Variants in CEP162 observed in about 807,000 individuals in gnomAD.
CEP162 encodes the protein centrosomal protein of 162 kDa.
A neutral mutation model predicts 169.2 loss-of-function variants in CEP162; 141 were observed. The observed-to-expected ratio is 0.83, with a 90% CI of 0.73 to 0.96. CEP162 has a LOEUF of 0.96. Ranked by LOEUF, CEP162 falls within the 40% of genes least tolerant of loss-of-function variation. CEP162 has a pLI of 0.00. For synonymous variants in CEP162, 540 were observed against 526.4 expected (o/e 1.03, Z -0.35); for missense variants, 1,600 against 1,587.2 (o/e 1.01, Z -0.14).
intron 19 of CEP162, among the ~76,000 whole-genome samples, chr6:84,162,254 G>A (rs2099526074): frequency 6.6e-6 from 1 of 152,044 alleles, no homozygotes; most frequent in African/African-American, 2.4e-5. Flanking sequence ...TAAAAATGAA[G>A]AACGCCCATA....
rs770948386 is a variant in CEP162, at chr6:84,185,395, C to G, written c.1455G>C (p.Gln485His). The G allele has an allele frequency of 1.9e-6, 3 of 1,613,352 alleles. No individual in the cohort carries two copies. The highest frequency in any genetic ancestry group is 4.5e-5 in the East Asian group (2 of 44,860). The change falls in exon 13 of 27, where the codon CAG becomes CAC. Residue 485 changes from glutamine to histidine, a missense_variant. Physicochemically the swap from Gln to His is conservative, Grantham distance 24. Transcript: ENST00000403245. ...SEEEGAVMGK[Q>H]VPYKKARSAP... ...CACTTCTGGCCTTCTTGTATGGTACCTGTTTACCCATTACAGCCCCTTCTT... is the reference window on the plus strand; with the variant it reads ...CACTTCTGGCCTTCTTGTATGGTACGTGTTTACCCATTACAGCCCCTTCTT...
At chr6:84,154,450 G>C (rs751476375) in intron 22 of CEP162, among the ~76,000 whole-genome samples, 14 of 152,002 alleles carry the variant, frequency 9.2e-5, no homozygotes, top group Middle Eastern at 3.2e-3. Context: ...CCTCCTTGAT[G>C]TGACCTTAAT....
intron 24 of CEP162, among the ~76,000 whole-genome samples, 172 bp downstream of exon 24, chr6:84,149,386 TTAAA>T (rs2099520279): frequency 1.3e-5 from 2 of 151,968 alleles, no homozygotes; most frequent in Non-Finnish European, 2.9e-5. Flanking sequence ...TTTAAAAAAA[TTAAA>T]TATATAGTAT....
rs2099511955 is a variant in CEP162 at position 84,132,390 on chromosome 6, GC to G, written c.3871-5879del. The stretch of plus-strand genomic sequence containing the variant: ...ATTTCCTGAATTTGAATGTTGTTCT[GC>G]CTTGCTAGGCTGGGGAAGTTCTCCT... On this transcript the variant is annotated intron_variant, in intron 25 of 26. Transcript: ENST00000403245. Among the ~76,000 whole-genome samples, 3 of 152,246 alleles carry G rather than the reference GC, an allele frequency of 2.0e-5. No homozygotes were observed. The South Asian group carries it at 6.2e-4, about 32-fold the overall frequency.
intron 24 of CEP162, 50 bp from the exon 25 acceptor site, chr6:84,146,835 T>C (rs768301806): frequency 3.7e-5 from 35 of 942,398 alleles, no homozygotes; most frequent in Non-Finnish European, 4.8e-5. Flanking sequence ...CCTTGAACAC[T>C]ATCTGAAAAA....
Position 84,204,058 on chromosome 6 carries a change from C to T in CEP162, c.610G>A (p.Ala204Thr). Residue 204 changes from alanine to threonine, a missense_variant, in exon 7 of 27, where the codon GCA becomes ACA. By Grantham distance (58) the Ala-to-Thr change is moderately conservative. Transcript: ENST00000403245. ...TCTTCATCTTTAGTAGTCAACGGTG[C>T]ACCAACATACTCATCTTCAAAATCA... ...SDDFEDEYVG[A>T]PLTTKDEEMP... The T allele has an allele frequency of 4.4e-6, 7 of 1,605,890 alleles. No individual in the cohort carries two copies. Among genetic ancestry groups the T allele is most frequent in the Non-Finnish European group, 6.0e-6 (7 of 1,176,340 alleles).
chr6:84,168,753 T>C (rs2099528829), intron 18 of CEP162, among the ~76,000 whole-genome samples: 1 of 152,198 alleles, frequency 6.6e-6, no homozygotes, highest in Admixed American at 6.5e-5. Context: ...AATACTGCTT[T>C]AGAAAACTCT....
chr6:84,192,993 T>A (rs1317138461), intron 11 of CEP162, among the ~76,000 whole-genome samples: 1 of 152,260 alleles, frequency 6.6e-6, no homozygotes, highest in Non-Finnish European at 1.5e-5. Flanking sequence ...GTGCATTTCT[T>A]GAATTATGGG....
Position 84,152,621 on chromosome 6 carries a change from C to T in CEP162, c.3553G>A (p.Gly1185Arg). ...AGTTCATTCTTCTCTGAAATTAATC[C>T]TTCTAGCTCATTTTTTAATCTGTAG... ...ENYRLKNELE[G>R]LISEKNELKM... is the part of the protein sequence containing the mutation. Residue 1185 changes from glycine to arginine, a missense_variant, in exon 23 of 27, where the codon GGA becomes AGA. Gly to Arg is a moderately radical substitution (Grantham distance 125). Transcript: ENST00000403245. The T allele has an allele frequency of 6.4e-7, 1 of 1,574,394 alleles. No individual in the cohort carries two copies. The highest frequency in any genetic ancestry group is 8.6e-7 in the Non-Finnish European group (1 of 1,158,650).
intron 8 of CEP162, among the ~76,000 whole-genome samples, chr6:84,201,442 T>A (rs1289638157): frequency 1.3e-5 from 2 of 152,032 alleles, no homozygotes; most frequent in Non-Finnish European, 2.9e-5. Context: ...AATATGATCT[T>A]CTTCCGATGT....
intron 10 of CEP162, among the ~76,000 whole-genome samples, chr6:84,194,300 A>T (rs532588743): frequency 6.6e-6 from 1 of 150,756 alleles, no homozygotes; most frequent in Non-Finnish European, 1.5e-5. Context: ...GGCTGCTGTG[A>T]GCCGAGATCG....
chr6:84,131,336 G>C (rs1019179969), intron 25 of CEP162, among the ~76,000 whole-genome samples: 2 of 152,192 alleles, frequency 1.3e-5, no homozygotes, highest in Non-Finnish European at 2.9e-5. Context: ...ATTTGGGGTG[G>C]AGAGTTCTGT....
intron 11 of CEP162, among the ~76,000 whole-genome samples, chr6:84,188,487 GT>G (rs2099538227): frequency 6.6e-6 from 1 of 152,092 alleles, no homozygotes; most frequent in South Asian, 2.1e-4. Context: ...ACAGTATTTT[GT>G]TTTCTGTTCC....
At chr6:84,188,234 C>G (rs2099538097) in intron 11 of CEP162, among the ~76,000 whole-genome samples, 1 of 151,936 alleles carries the variant, frequency 6.6e-6, no homozygotes, top group South Asian at 2.1e-4. Flanking sequence ...AGATTTAAAA[C>G]CTTTGTCTAG....
chr6:84,218,098 TG>T (rs920675651), intron 3 of CEP162, among the ~76,000 whole-genome samples: 22 of 152,052 alleles, frequency 1.4e-4, no homozygotes, highest in African/African-American at 5.1e-4. Flanking sequence ...TAAGATTAAT[TG>T]GGGGGGTATA....
Position 84,157,808 on chromosome 6 carries a change from CAT to C in CEP162, c.2782-2300_2782-2299del, listed in dbSNP as rs1324131076. Among the ~76,000 whole-genome samples, 40 of 152,310 alleles carry C rather than the reference CAT, an allele frequency of 2.6e-4. No homozygotes were observed. The East Asian group carries it at 3.7e-3, about 14-fold the overall frequency. On this transcript the variant is annotated intron_variant, in intron 21 of 26. Coordinates refer to ENST00000403245, the MANE Select transcript of CEP162 (RefSeq NM_014895.4). ...CTGACTGAAAAATTACTTATATGCA[CAT>C]GAGTGTGTAAACTTTTTGCAATAAA...
intron 22 of CEP162, among the ~76,000 whole-genome samples, chr6:84,153,798 T>C (rs1167588054): frequency 2.0e-5 from 3 of 152,118 alleles, no homozygotes; most frequent in Non-Finnish European, 2.9e-5. Flanking sequence ...ACAAAAAGAC[T>C]CAGTTATTAT....
chr6:84,126,420 C>T lies in CEP162; in HGVS notation c.3963G>A (p.Gln1321=). 1 of 1,602,540 alleles carries T rather than the reference C, an allele frequency of 6.2e-7. No homozygotes were observed. The highest frequency in any genetic ancestry group is 8.5e-7 in the Non-Finnish European group (1 of 1,174,232). ...CTCTTTGTGCATGTCTCATTTCCAT[C>T]TGCTTAATTTTCTTTTCTAAGCCCA... The part of the protein sequence containing the change: ...HFVGLEKKIK[Q]MEMRHAQREQ... The change falls in exon 26 of 27, where the codon CAG becomes CAA. Residue 1321 remains glutamine (Q), a synonymous_variant. Transcript: ENST00000403245.
chr6:84,150,864 T>C (rs187750922), intron 23 of CEP162, among the ~76,000 whole-genome samples: 35 of 152,260 alleles, frequency 2.3e-4, no homozygotes, highest in African/African-American at 7.7e-4. Flanking sequence ...TAAGCATTTG[T>C]TGGGTGTTTC....
Sources: allele counts gnomAD v4.1 joint callset (sites outside exome capture counted in the v4.1 genomes callset), GRCh38; gene constraint gnomAD v4.1.1; transcripts MANE v1.5; gene names NCBI Gene and HGNC (gene_info 2026-07-23, HGNC 2026-07-21).